ZFHX3: variants seen among roughly 807,000 people sequenced by gnomAD.
ZFHX3 encodes the protein zinc finger homeobox protein 3.
A neutral mutation model predicts 279.1 loss-of-function variants in ZFHX3; 42 were observed. The ratio of observed to expected loss-of-function variants is 0.15; its 90% confidence interval spans 0.12 to 0.19. The LOEUF (loss-of-function observed/expected upper bound fraction) is 0.19. Ranked by LOEUF, ZFHX3 falls within the 10% of genes least tolerant of loss-of-function variation. ZFHX3 has a pLI of 1.00. For synonymous variants in ZFHX3, 2,293 were observed against 1,957.8 expected (o/e 1.17, Z -4.52); for missense variants, 4,981 against 4,754.0 (o/e 1.05, Z -1.40).
At chr16:73,799,379 T>C (rs572391061) in intron 1 of ZFHX3, among the ~76,000 whole-genome samples, 2 of 152,290 alleles carry the variant, frequency 1.3e-5, no homozygotes, top group Middle Eastern at 3.4e-3. Flanking sequence ...ATTACGACAG[T>C]GGATGACATC....
chr16:73,049,847 T>C (rs745999538), upstream of ZFHX3, among the ~76,000 whole-genome samples: 5 of 152,168 alleles, frequency 3.3e-5, no homozygotes, highest in African/African-American at 4.8e-5. Flanking sequence ...AACACACTGT[T>C]ATTTATATTG....
At chr16:73,058,002 C>T (rs896890585) in intron 1 of ZFHX3, among the ~76,000 whole-genome samples, 216 of 146,712 alleles carry the variant, frequency 1.5e-3, no homozygotes, top group Non-Finnish European at 2.1e-3. Flanking sequence ...GCGGCGGGGG[C>T]GGGGGCACTC....
At chr16:73,603,375 T>C (rs1312650143) in intron 2 of ZFHX3, among the ~76,000 whole-genome samples, 1 of 152,020 alleles carries the variant, frequency 6.6e-6, no homozygotes, top group Non-Finnish European at 1.5e-5. Flanking sequence ...TTGATAACTC[T>C]CAGATGTAAT....
intron 3 of ZFHX3, chr16:73,387,051 C>T (rs180694241): frequency 2.0e-5 from 3 of 152,308 alleles, no homozygotes; most frequent in Admixed American, 2.0e-4. Context: ...TCTTGCTTAA[C>T]TGACAAACTA....
chr16:72,862,010 A>G, intron 4 of ZFHX3, among the ~76,000 whole-genome samples: 1 of 152,146 alleles, frequency 6.6e-6, no homozygotes, highest in Non-Finnish European at 1.5e-5. Context: ...GCAGGACTCC[A>G]TCTCAAAATA....
chr16:73,384,530 C>T (rs1010156262), intron 3 of ZFHX3, among the ~76,000 whole-genome samples: 2 of 152,210 alleles, frequency 1.3e-5, no homozygotes, highest in African/African-American at 4.8e-5. Flanking sequence ...TATGATGAAC[C>T]ATTAAACATT....
At chr16:73,448,511 C>T (rs1327284479) in intron 3 of ZFHX3, among the ~76,000 whole-genome samples, 1 of 151,628 alleles carries the variant, frequency 6.6e-6, no homozygotes, top group East Asian at 1.9e-4. Context: ...AAAACTGCTA[C>T]AGGGCAAAGG....
chr16:73,054,879 G>T (rs1343802812), intron 1 of ZFHX3, among the ~76,000 whole-genome samples: 1 of 152,042 alleles, frequency 6.6e-6, no homozygotes, highest in East Asian at 1.9e-4. Flanking sequence ...GCAAACCACA[G>T]AACCCCTGCC....
At chr16:72,993,075 G>A (rs1963154552) in intron 1 of ZFHX3, among the ~76,000 whole-genome samples, 1 of 152,238 alleles carries the variant, frequency 6.6e-6, no homozygotes, top group South Asian at 2.1e-4. Flanking sequence ...GGTGGAGGCT[G>A]TGGTGAGCCG....
intron 3 of ZFHX3, among the ~76,000 whole-genome samples, chr16:72,948,489 G>C (rs112237059): frequency 0.034 from 5,223 of 152,220 alleles, 189 homozygotes; most frequent in African/African-American, 0.084. Flanking sequence ...CTGACTCTCT[G>C]GGTGTGATCC....
chr16:73,449,226 T>G (rs1310519750), intron 3 of ZFHX3, among the ~76,000 whole-genome samples: 1 of 152,248 alleles, frequency 6.6e-6, no homozygotes, highest in Non-Finnish European at 1.5e-5. Context: ...AATGTGTCCT[T>G]TCATTTATTC....
At chr16:73,082,610 CTTTTTTTT>C (rs140993570) in intron 8 of ZFHX3, among the ~76,000 whole-genome samples, 1 of 151,448 alleles carries the variant, frequency 6.6e-6, no homozygotes, top group African/African-American at 2.4e-5. Context: ...AACTTACTTT[CTTTTTTTT>C]TGTATAAGAT....
Position 72,787,649 on chromosome 16 carries a change from C to T in ZFHX3, c.10627G>A (p.Ala3543Thr), listed in dbSNP as rs749373354. ...ACESALCGEE[A>T]LSQHLESALH... ...GCCGACTCGAGATGTTGACTCAGAG[C>T]TTCCTCCCCACAGAGCGCGCTCTCG... The change falls in exon 10 of 10, where the codon GCT (alanine) becomes ACT (threonine). Residue 3543 changes from alanine to threonine, a missense_variant. Physicochemically the swap from Ala to Thr is moderately conservative, Grantham distance 58. Around this residue, in one of 7 missense-constraint regions of ZFHX3, gnomAD observed 1,034 missense variants for 786.0 expected, o/e 1.32. Transcript: ENST00000268489. The T allele has an allele frequency of 6.2e-7, 1 of 1,609,068 alleles. No homozygotes were observed. The highest frequency in any genetic ancestry group is 8.5e-7 in the Non-Finnish European group (1 of 1,177,410).
At chr16:73,614,203 G>A (rs956136489) in intron 2 of ZFHX3, among the ~76,000 whole-genome samples, 1 of 152,200 alleles carries the variant, frequency 6.6e-6, no homozygotes, top group African/African-American at 2.4e-5. Context: ...CGTATGTGAT[G>A]TGTACGGGGC....
rs755909834 is a variant in ZFHX3 at position 72,959,486 on chromosome 16, G to A, written c.660C>T (p.Ala220=). ...GPDQAFPNTS[A]LAGLSPVLHS... ...GCAGGACGGGGCTGAGCCCCGCCAG[G>A]GCTGAGGTATTCGGGAAAGCCTGGT... The change falls in exon 2 of 10, where the codon GCC becomes GCT. Residue 220 remains alanine, a synonymous_variant. Transcript: ENST00000268489. 4 of 1,614,268 alleles carry A rather than the reference G, an allele frequency of 2.5e-6. No individual in the cohort carries two copies.
intron 3 of ZFHX3, among the ~76,000 whole-genome samples, chr16:73,378,522 G>A (rs1337772458): frequency 6.6e-6 from 1 of 152,066 alleles, no homozygotes; most frequent in Non-Finnish European, 1.5e-5. Context: ...AAATTCTAAA[G>A]GTTAAATGCT....
Position 73,540,804 on chromosome 16 carries a change from G to A in ZFHX3, c.-1546-84546C>T, listed in dbSNP as rs374369489. On this transcript the variant is annotated intron_variant, in intron 2 of 17. Transcript: ENST00000641206. The stretch of plus-strand genomic sequence containing the variant: ...TTGCCAATTCCAGAGTCACTCTCAC[G>A]CAAAGCCATCAACCTGCTCACTGTC... Among the ~76,000 whole-genome samples, 7 of 152,206 alleles carry A rather than the reference G, an allele frequency of 4.6e-5. No homozygotes were observed. In the East Asian group the frequency reaches 5.8e-4, roughly 13 times the overall value.
chr16:73,747,506 A>C (rs1229608683), intron 1 of ZFHX3, among the ~76,000 whole-genome samples: 1 of 152,152 alleles, frequency 6.6e-6, no homozygotes, highest in African/African-American at 2.4e-5. Context: ...ACAATTTCCA[A>C]GATTTGTTTG....
Position 72,960,154 on chromosome 16 carries a change from C to G in ZFHX3, c.-9G>C, listed in dbSNP as rs750363589. ...GAGTCACAGCCTTCCATGGTAAGGC[C>G]TGCGTGGAGCTTTCATTGCACCCAG... On this transcript the variant is annotated 5_prime_UTR_variant, in exon 2 of 10. Transcript: ENST00000268489. The G allele has an allele frequency of 6.4e-7, 1 of 1,550,848 alleles. No individual in the cohort carries two copies. The highest frequency in any genetic ancestry group is 8.7e-7 in the Non-Finnish European group (1 of 1,146,726).
Sources: allele counts gnomAD v4.1 joint callset (sites outside exome capture counted in the v4.1 genomes callset), GRCh38; gene constraint gnomAD v4.1.1; regional missense constraint gnomAD v4.1.1; transcripts MANE v1.5; gene names NCBI Gene and HGNC (gene_info 2026-07-23, HGNC 2026-07-21).